PIK3C2G: variants seen among roughly 807,000 people sequenced by gnomAD.
The protein encoded by PIK3C2G is phosphatidylinositol-4-phosphate 3-kinase catalytic subunit type 2 gamma.
Under a neutral mutation model 181.1 loss-of-function variants are expected in PIK3C2G, and 168 were observed. That is an observed-to-expected ratio of 0.93 (90% CI 0.82 to 1.05). The LOEUF (loss-of-function observed/expected upper bound fraction) is 1.05. PIK3C2G is among the 50% of genes least tolerant of loss of function. The pLI, the probability that PIK3C2G is intolerant of heterozygous loss-of-function variation, is 0.00. For synonymous variants in PIK3C2G, 573 were observed against 592.2 expected (o/e 0.97, Z 0.47); for missense variants, 1,869 against 1,732.8 (o/e 1.08, Z -1.40).
downstream of PIK3C2G, among the ~76,000 whole-genome samples, chr12:18,650,696 GTGTGTGTGTATATATCTATATATA>G (rs1565602359): frequency 0.034 from 1,498 of 43,548 alleles, 84 homozygotes; most frequent in Middle Eastern, 0.049. Flanking sequence ...GTGTGTGTGT[GTGTGTGTGTATATATCTATATATA>G]TATATATATA....
chr12:18,487,703 G>C lies in PIK3C2G; in HGVS notation c.2505-746G>C, dbSNP rs529807005. On this transcript the variant is annotated intron_variant, in intron 18 of 32. Transcript: ENST00000538779. ...GCTTCCCATGTTCATGATAGGAGCA[G>C]ACTTCCAGGCAGAGACAGAAGCTGA... 7.4e-4 allele frequency among the ~76,000 whole-genome samples: 113 copies of C among 152,268 alleles called. No homozygotes were observed. The South Asian group carries it at 0.023, about 30-fold the overall frequency.
chr12:18,610,358 C>T (rs143721666), intron 31 of PIK3C2G, among the ~76,000 whole-genome samples: 1 of 152,096 alleles, frequency 6.6e-6, no homozygotes, highest in Non-Finnish European at 1.5e-5. Context: ...CTTCTTTGTG[C>T]ACATAAATCT....
intron 18 of PIK3C2G, among the ~76,000 whole-genome samples, chr12:18,475,960 C>G (rs201587765): frequency 6.6e-6 from 1 of 151,946 alleles, no homozygotes; most frequent in East Asian, 1.9e-4. Flanking sequence ...TATTAACTGC[C>G]TACTCTGTCA....
At chr12:18,501,319 G>T (rs1026938555) in intron 22 of PIK3C2G, among the ~76,000 whole-genome samples, 4 of 152,192 alleles carry the variant, frequency 2.6e-5, no homozygotes, top group African/African-American at 9.7e-5. Flanking sequence ...AGGAAAAAAA[G>T]GGGGAGAATG....
At chr12:18,643,419 T>G (rs2136818949) in intron 32 of PIK3C2G, among the ~76,000 whole-genome samples, 1 of 152,126 alleles carries the variant, frequency 6.6e-6, no homozygotes, top group Non-Finnish European at 1.5e-5. Flanking sequence ...GTAGTGTGTG[T>G]ATAAGTGATG....
rs71539453 is a variant in PIK3C2G, at chr12:18,567,076, T to C, written c.4011+19T>C. ...TACAAACGTATGTTATAATTAATTT[T>C]TCTATTTTTACATAAAACATCAACT... On this transcript the variant is annotated intron_variant, in intron 29 of 32. Transcript: ENST00000538779. 2,602 of 1,126,048 alleles carry C rather than the reference T, an allele frequency of 2.3e-3. 15 individuals are homozygous for C. Among genetic ancestry groups the C allele is most frequent in the Non-Finnish European group, 1.3e-3 (981 of 757,242 alleles). 69.8% of individuals were successfully genotyped at this position (1,126,048 alleles called of 1,614,324 possible). A position where few individuals can be genotyped will look rare whatever the true frequency, so the allele number is the denominator to read the frequency against.
At chr12:18,699,257 T>C in the PIK3C2G span, among the ~76,000 whole-genome samples, 1 of 152,202 alleles carries the variant, frequency 6.6e-6, no homozygotes, top group Non-Finnish European at 1.5e-5. Context: ...CCAAGTCTGA[T>C]TAACCCTACC....
At chr12:18,365,162 G>A (rs138201227) in intron 12 of PIK3C2G, among the ~76,000 whole-genome samples, 1 of 152,258 alleles carries the variant, frequency 6.6e-6, no homozygotes, top group African/African-American at 2.4e-5. Context: ...TAGACCCACT[G>A]TGACTCCTAA....
At chr12:18,559,905 C>A (rs1369548370) in intron 26 of PIK3C2G, among the ~76,000 whole-genome samples, 1 of 141,538 alleles carries the variant, frequency 7.1e-6, no homozygotes, top group Admixed American at 7.4e-5. Flanking sequence ...ATGCAGTGGC[C>A]CAGTCTCGGC....
chr12:18,272,497 A>T (rs1027820946), intron 1 of PIK3C2G, among the ~76,000 whole-genome samples: 1 of 152,186 alleles, frequency 6.6e-6, no homozygotes, highest in Non-Finnish European at 1.5e-5. Context: ...TTGATAATGC[A>T]ATTTCATCAC....
intron 18 of PIK3C2G, among the ~76,000 whole-genome samples, chr12:18,480,470 T>C (rs1162754106): frequency 1.3e-5 from 2 of 152,108 alleles, no homozygotes; most frequent in Non-Finnish European, 2.9e-5. Flanking sequence ...TGTTAACATA[T>C]GAGTAGGCTG....
At chr12:18,603,980 C>CA (rs991054941) in intron 30 of PIK3C2G, among the ~76,000 whole-genome samples, 62 of 151,352 alleles carry the variant, frequency 4.1e-4, no homozygotes, top group Admixed American at 2.8e-3. Context: ...CTAAAACAAA[C>CA]AAAAAAAACA....
chr12:18,367,875 G>A (rs1278589222), intron 12 of PIK3C2G, among the ~76,000 whole-genome samples: 2 of 152,102 alleles, frequency 1.3e-5, no homozygotes, highest in East Asian at 3.9e-4. Flanking sequence ...ATTTATAAAG[G>A]AAAGATGTTT....
chr12:18,400,870 T>C (rs948706258), intron 16 of PIK3C2G, among the ~76,000 whole-genome samples: 1 of 152,012 alleles, frequency 6.6e-6, no homozygotes, highest in African/African-American at 2.4e-5. Flanking sequence ...TTTCTTTATA[T>C]ATATAATGGA....
At chr12:18,442,874 A>G (rs568775805) in intron 18 of PIK3C2G, among the ~76,000 whole-genome samples, 389 of 143,922 alleles carry the variant, frequency 2.7e-3, no homozygotes, top group Middle Eastern at 0.011. Context: ...AATATCCTAC[A>G]TTTTTTTTTT....
chr12:18,649,903 T>A (rs12368644), downstream of PIK3C2G, among the ~76,000 whole-genome samples: 7 of 152,238 alleles, frequency 4.6e-5, no homozygotes, highest in Admixed American at 4.6e-4. Context: ...TAGTCTTCTG[T>A]GTGGGAGCAT....
intron 29 of PIK3C2G, among the ~76,000 whole-genome samples, chr12:18,570,278 G>A (rs1379588493): frequency 1.3e-5 from 2 of 151,126 alleles, no homozygotes; most frequent in East Asian, 2.0e-4. Context: ...GCCTGATCTC[G>A]GCTCACCGCA....
At chr12:18,420,199 C>T (rs185674105) in intron 16 of PIK3C2G, among the ~76,000 whole-genome samples, 292 of 152,150 alleles carry the variant, frequency 1.9e-3, no homozygotes, top group African/African-American at 6.8e-3. Context: ...AAATTATCTC[C>T]AAGCACTTCC....
chr12:18,721,412 G>A, the PIK3C2G span, among the ~76,000 whole-genome samples: 4 of 152,054 alleles, frequency 2.6e-5, no homozygotes, highest in African/African-American at 4.8e-5. Context: ...TCCTGGCTGT[G>A]TTGGAGAGTA....
Sources: gnomAD v4.1 joint callset for allele counts (sites outside exome capture counted in the v4.1 genomes callset) on GRCh38, gnomAD v4.1.1 for gene constraint, MANE v1.5 for transcripts, NCBI Gene and HGNC (gene_info 2026-07-23, HGNC 2026-07-21) for gene names.